ROBO2: variants seen among roughly 807,000 people sequenced by gnomAD.
ROBO2 encodes roundabout homolog 2.
A neutral mutation model predicts 160.8 loss-of-function variants in ROBO2; 53 were observed. The ratio of observed to expected loss-of-function variants is 0.33; its 90% CI spans 0.26 to 0.41. The LOEUF (loss-of-function observed/expected upper bound fraction) is 0.41. Among genes scored for constraint, ROBO2 ranks in the 10% least tolerant of loss-of-function variants. ROBO2 has a pLI of 1.00. For synonymous variants in ROBO2, 664 were observed against 611.7 expected (o/e 1.09, Z -1.26); for missense variants, 1,577 against 1,722.4 (o/e 0.92, Z 1.49).
At chr3:76,190,052 A>G (rs1701936251) in intron 2 of ROBO2, among the ~76,000 whole-genome samples, 3 of 152,066 alleles carry the variant, frequency 2.0e-5, no homozygotes, top group Admixed American at 2.0e-4. Flanking sequence ...TCTGTTAAAA[A>G]ATGCTATTTT....
At chr3:77,371,535 A>G (rs964954508) in intron 2 of ROBO2, among the ~76,000 whole-genome samples, 1 of 152,202 alleles carries the variant, frequency 6.6e-6, no homozygotes, top group Admixed American at 6.5e-5. Context: ...GAAACGTTAA[A>G]TAAGAGGATC....
chr3:77,245,469 A>T (rs996081302), intron 2 of ROBO2, among the ~76,000 whole-genome samples: 1 of 152,192 alleles, frequency 6.6e-6, no homozygotes. Flanking sequence ...CATTCTCATG[A>T]TAGATTCTGG....
chr3:77,447,354 C>A, intron 2 of ROBO2, among the ~76,000 whole-genome samples: 1 of 151,938 alleles, frequency 6.6e-6, no homozygotes. Context: ...GCCTTTTTTG[C>A]TGTTTATTAA....
intron 2 of ROBO2, among the ~76,000 whole-genome samples, chr3:76,752,150 G>C (rs1348008880): frequency 6.6e-6 from 1 of 152,064 alleles, no homozygotes; most frequent in Non-Finnish European, 1.5e-5. Context: ...TAGGGATATG[G>C]ATGAAGCCAG....
intron 2 of ROBO2, among the ~76,000 whole-genome samples, chr3:76,178,695 A>C (rs1380918403): frequency 6.6e-6 from 1 of 152,284 alleles, no homozygotes; most frequent in South Asian, 2.1e-4. Context: ...CTGTAATCCC[A>C]GCACTTTGGA....
At chr3:77,576,123 A>G (rs1298944173) in intron 14 of ROBO2, among the ~76,000 whole-genome samples, 1 of 152,112 alleles carries the variant, frequency 6.6e-6, no homozygotes, top group African/African-American at 2.4e-5. Flanking sequence ...TTATTTTTCA[A>G]TGCATTCTAC....
At chr3:77,436,744 A>G (rs1243571910) in intron 2 of ROBO2, among the ~76,000 whole-genome samples, 2 of 151,846 alleles carry the variant, frequency 1.3e-5, no homozygotes. Flanking sequence ...AGTTCCAAAA[A>G]TGTATATTTG....
rs766447746 is a variant in ROBO2 at position 77,341,074 on chromosome 3, C to T, written c.389-136340C>T. On this transcript the variant is annotated intron_variant, in intron 2 of 25. Coordinates refer to ENST00000461745, the Ensembl canonical transcript of ROBO2. ...AATGTGAAATTCAAATTTTGGTGTT[C>T]AAAAGTATTGTTGGAACGTAGCCAT... Among the ~76,000 whole-genome samples the T allele has an allele frequency of 2.9e-4, 44 of 152,116 alleles. No homozygotes were observed. The Middle Eastern group carries it at 0.014, about 47-fold the overall frequency.
intron 2 of ROBO2, among the ~76,000 whole-genome samples, chr3:77,157,196 C>A (rs2078094363): frequency 6.6e-6 from 1 of 152,028 alleles, no homozygotes; most frequent in Non-Finnish European, 1.5e-5. Context: ...TCTCCTTTGA[C>A]TCACTGATTT....
At chr3:77,063,988 G>T (rs1457186919) in intron 1 of ROBO2, among the ~76,000 whole-genome samples, 1 of 152,080 alleles carries the variant, frequency 6.6e-6, no homozygotes, top group Non-Finnish European at 1.5e-5. Flanking sequence ...CATTGTACTT[G>T]TTAGTGCACA....
chr3:77,390,868 A>C (rs747333155), intron 2 of ROBO2, among the ~76,000 whole-genome samples: 5 of 152,070 alleles, frequency 3.3e-5, no homozygotes, highest in Non-Finnish European at 7.4e-5. Flanking sequence ...CCAACATCCC[A>C]ACAATTCAGC....
intron 2 of ROBO2, among the ~76,000 whole-genome samples, chr3:76,155,703 A>G (rs1048516192): frequency 2.6e-5 from 4 of 152,144 alleles, no homozygotes; most frequent in African/African-American, 9.7e-5. Flanking sequence ...TCATTAAGCC[A>G]TGTGTATTTT....
At chr3:77,628,414 T>C (rs927185692) in intron 23 of ROBO2, among the ~76,000 whole-genome samples, 1 of 147,840 alleles carries the variant, frequency 6.8e-6, no homozygotes, top group Non-Finnish European at 1.5e-5. Context: ...TTTTCATTCA[T>C]TCATTATCTT....
chr3:76,107,489 G>C (rs909347497), intron 2 of ROBO2, among the ~76,000 whole-genome samples: 1 of 152,016 alleles, frequency 6.6e-6, no homozygotes, highest in African/African-American at 2.4e-5. Context: ...TGATGCCTTT[G>C]GACAAATTCT....
intron 2 of ROBO2, among the ~76,000 whole-genome samples, chr3:77,319,658 A>G (rs892359315): frequency 1.3e-5 from 2 of 152,230 alleles, no homozygotes; most frequent in Non-Finnish European, 2.9e-5. Context: ...TCCATTATCA[A>G]TAACGTCAAT....
In ROBO2 at chr3:76,424,123, A is replaced by G. The variant is rs192496538; in HGVS notation, c.109+486521A>G. On this transcript the variant is annotated intron_variant, in intron 2 of 26. Transcript: ENST00000487694. ...TACTTATGAATATAAGTGATAAGCCACAGTGCTTAGCAATATGTGTCTTTG... is the reference window on the plus strand; with the variant it reads ...TACTTATGAATATAAGTGATAAGCCGCAGTGCTTAGCAATATGTGTCTTTG... Among the ~76,000 whole-genome samples, 31 of 152,318 alleles carry G rather than the reference A, an allele frequency of 2.0e-4. No individual in the cohort carries two copies. In the East Asian group the frequency reaches 6.0e-3, roughly 29 times the overall value.
intron 2 of ROBO2, among the ~76,000 whole-genome samples, chr3:76,099,003 C>G (rs1038764500): frequency 7.9e-5 from 12 of 152,126 alleles, no homozygotes; most frequent in African/African-American, 2.9e-4. Flanking sequence ...CATTTTCACT[C>G]ATAATCAATA....
intron 2 of ROBO2, among the ~76,000 whole-genome samples, chr3:76,546,574 A>G (rs2083114008): frequency 6.6e-6 from 1 of 151,972 alleles, no homozygotes; most frequent in African/African-American, 2.4e-5. Flanking sequence ...AGAAATGGCA[A>G]TGTGACAAAG....
At chr3:76,678,981 C>T (rs912777627) in intron 2 of ROBO2, among the ~76,000 whole-genome samples, 11 of 152,110 alleles carry the variant, frequency 7.2e-5, no homozygotes, top group Admixed American at 2.0e-4. Context: ...TAGCTCTAGT[C>T]ACATGTTATG....
Sources: gnomAD v4.1 joint callset for allele counts (sites outside exome capture counted in the v4.1 genomes callset) on GRCh38, gnomAD v4.1.1 for gene constraint, MANE v1.5 for transcripts, NCBI Gene and HGNC (gene_info 2026-07-23, HGNC 2026-07-21) for gene names.